The following KCND2 variants were observed in gnomAD, a reference collection of about 807,000 sequenced individuals.
KCND2 encodes potassium voltage-gated channel subfamily D member 2, also known as A-type voltage-gated potassium channel KCND2.
In KCND2, 16 loss-of-function variants were observed where a neutral mutation model predicts 54.4. That is an observed-to-expected ratio of 0.29 (90% CI 0.20 to 0.45). The LOEUF is 0.45. KCND2 is among the 20% of genes least tolerant of loss of function. The pLI is 1.00. For missense variants in KCND2, 486 were observed against 824.2 expected, an observed-to-expected ratio of 0.59 and a Z score of 5.02; for synonymous variants, 317 against 310.7, an observed-to-expected ratio of 1.02 and a Z score of -0.21.
At chr7:120,486,308 G>A (rs1167532188) in intron 1 of KCND2, among the ~76,000 whole-genome samples, 1 of 152,164 alleles carries the variant, frequency 6.6e-6, no homozygotes, top group Non-Finnish European at 1.5e-5. Flanking sequence ...AGTGGTAGCT[G>A]ACTTTGTAGA....
At chr7:120,307,547 C>G (rs1799666278) in intron 1 of KCND2, among the ~76,000 whole-genome samples, 1 of 152,030 alleles carries the variant, frequency 6.6e-6, no homozygotes, top group African/African-American at 2.4e-5. Flanking sequence ...ACTGGAAGTT[C>G]CATATCCATC....
intron 1 of KCND2, among the ~76,000 whole-genome samples, chr7:120,667,841 C>G (rs1250132422): frequency 1.3e-5 from 2 of 151,856 alleles, no homozygotes; most frequent in Non-Finnish European, 2.9e-5. Flanking sequence ...GTCACTCTAC[C>G]CTGATCTCAG....
At chr7:120,401,964 C>A (rs906669085) in intron 1 of KCND2, among the ~76,000 whole-genome samples, 21 of 152,070 alleles carry the variant, frequency 1.4e-4, no homozygotes, top group African/African-American at 3.6e-4. Context: ...GGCTTAATTT[C>A]TAAAAACAAA....
At chr7:120,674,095 G>T (rs1792028075) in intron 1 of KCND2, among the ~76,000 whole-genome samples, 1 of 151,900 alleles carries the variant, frequency 6.6e-6, no homozygotes, top group African/African-American at 2.4e-5. Context: ...GTAGAGATGG[G>T]GTTTCACCAT....
rs542770529 is a variant in KCND2, at chr7:120,447,119, G to C, written c.1115+171372G>C. Among the ~76,000 whole-genome samples, 46 of 152,174 alleles carry C rather than the reference G, an allele frequency of 3.0e-4. 1 individual carries two copies. Among genetic ancestry groups the C allele is most frequent in the African/African-American group, 1.1e-3 (45 of 41,560 alleles). On this transcript the variant is annotated intron_variant, in intron 1 of 5. Coordinates refer to ENST00000331113, the MANE Select transcript of KCND2 (RefSeq NM_012281.3). The stretch of plus-strand genomic sequence containing the variant: ...AATTACTCAAGAAATGGATAAGCCA[G>C]TACTCAAACTTAGGAAGTTGGCCCC...
At chr7:120,735,589 CT>C (rs1792860302) in intron 2 of KCND2, among the ~76,000 whole-genome samples, 1 of 151,938 alleles carries the variant, frequency 6.6e-6, no homozygotes, top group African/African-American at 2.4e-5. Context: ...TTTTAGAAGC[CT>C]TTTGGTCTAC....
intron 1 of KCND2, among the ~76,000 whole-genome samples, chr7:120,717,696 C>T (rs914340810): frequency 2.0e-5 from 3 of 151,970 alleles, no homozygotes; most frequent in East Asian, 1.9e-4. Flanking sequence ...GGTGCCTGGA[C>T]GCCTCTTAAA....
chr7:120,609,655 C>T (rs534324363), intron 1 of KCND2, among the ~76,000 whole-genome samples: 53 of 152,116 alleles, frequency 3.5e-4, no homozygotes, highest in Admixed American at 7.2e-4. Context: ...AGTGATAGAA[C>T]TTAAGAACAG....
chr7:120,375,399 C>T (rs1476129213), intron 1 of KCND2, among the ~76,000 whole-genome samples: 1 of 151,804 alleles, frequency 6.6e-6, no homozygotes, highest in African/African-American at 2.4e-5. Flanking sequence ...TGTGTAAATA[C>T]CAGGTGGCAT....
At chr7:120,433,532 C>G (rs1269017238) in intron 1 of KCND2, among the ~76,000 whole-genome samples, 3 of 152,290 alleles carry the variant, frequency 2.0e-5, no homozygotes, top group African/African-American at 7.2e-5. Context: ...GCATTTTAAT[C>G]CTTTGTTTAT....
intron 1 of KCND2, among the ~76,000 whole-genome samples, chr7:120,381,942 A>G (rs919640248): frequency 2.0e-5 from 3 of 150,808 alleles, no homozygotes; most frequent in Non-Finnish European, 1.5e-5. Context: ...TTCAAAAGTC[A>G]AATCCGTCAT....
intron 1 of KCND2, among the ~76,000 whole-genome samples, chr7:120,501,032 T>C (rs1802924081): frequency 6.6e-6 from 1 of 152,058 alleles, no homozygotes; most frequent in Non-Finnish European, 1.5e-5. Flanking sequence ...TCATAAGAAC[T>C]CATCAAATGT....
intron 1 of KCND2, among the ~76,000 whole-genome samples, chr7:120,527,753 G>T (rs1791793787): frequency 6.6e-6 from 1 of 151,598 alleles, no homozygotes; most frequent in Non-Finnish European, 1.5e-5. Context: ...TAAGTATAAT[G>T]TCTTTCTTTA....
chr7:120,474,485 G>A lies in KCND2; in HGVS notation c.1115+198738G>A, dbSNP rs149278274. Reference sequence around the variant, plus strand: ...CCAATGTAGCTGGGATTACAGGCACGTGCCACCATGCCCAGCTAATTTTCT... The same window carrying A: ...CCAATGTAGCTGGGATTACAGGCACATGCCACCATGCCCAGCTAATTTTCT... On this transcript the variant is annotated intron_variant, in intron 1 of 5. Transcript: ENST00000331113. Among the ~76,000 whole-genome samples, 264 of 151,504 alleles carry A rather than the reference G, an allele frequency of 1.7e-3. 1 individual carries two copies. Among genetic ancestry groups the A allele is most frequent in the Non-Finnish European group, 3.2e-3 (217 of 67,872 alleles).
In KCND2 at chr7:120,700,782, T is replaced by C. The variant is rs141086694; in HGVS notation, c.1116-32121T>C. Among the ~76,000 whole-genome samples the C allele has an allele frequency of 8.6e-4, 131 of 152,310 alleles. 1 individual carries two copies. The highest frequency in any genetic ancestry group is 3.9e-4 in the East Asian group (2 of 5,182). On this transcript the variant is annotated intron_variant, in intron 1 of 5. Transcript: ENST00000331113. ...TAAGTATTTATTGAACATAGATTTC[T>C]AAAGAGTCATGAAAGGGAAGACAAT...
At position 120,453,436 on chromosome 7, in the gene KCND2, G is replaced by A. The variant is rs569852214; in HGVS notation, c.1115+177689G>A. Among the ~76,000 whole-genome samples, 8 of 152,334 alleles carry A rather than the reference G, an allele frequency of 5.3e-5. No individual in the cohort carries two copies. In the South Asian group the frequency reaches 1.7e-3, roughly 32 times the overall value. ...CCTCCCTGTACCACCAACCTGGTAAGTGAGAACATGTGCAGGAATGCTGGT... is the reference window on the plus strand; with the variant it reads ...CCTCCCTGTACCACCAACCTGGTAAATGAGAACATGTGCAGGAATGCTGGT... On this transcript the variant is annotated intron_variant, in intron 1 of 5. Transcript: ENST00000331113.
intron 1 of KCND2, among the ~76,000 whole-genome samples, chr7:120,520,447 T>G (rs1212724161): frequency 6.6e-6 from 1 of 152,154 alleles, no homozygotes. Context: ...ATTTTAAAAA[T>G]GTTTCCTGAA....
intron 1 of KCND2, among the ~76,000 whole-genome samples, chr7:120,558,330 A>C (rs1016796852): frequency 1.3e-5 from 2 of 152,196 alleles, no homozygotes; most frequent in Admixed American, 1.3e-4. Flanking sequence ...AATCATAGGT[A>C]CTGGGATACA....
intron 1 of KCND2, among the ~76,000 whole-genome samples, chr7:120,646,213 A>G (rs1482483759): frequency 6.6e-6 from 1 of 152,232 alleles, no homozygotes; most frequent in Non-Finnish European, 1.5e-5. Flanking sequence ...CTGTTTCTGA[A>G]TGAGCAATGA....
Sources: gnomAD v4.1 joint callset for allele counts (sites outside exome capture counted in the v4.1 genomes callset) on GRCh38, gnomAD v4.1.1 for gene constraint, MANE v1.5 for transcripts, NCBI Gene and HGNC (gene_info 2026-07-23, HGNC 2026-07-21) for gene names.